LPP: variants seen among roughly 807,000 people sequenced by gnomAD.
LPP encodes lipoma-preferred partner.
A neutral mutation model predicts 60.4 loss-of-function variants in LPP; 38 were observed. That is an observed-to-expected ratio of 0.63 (90% CI 0.49 to 0.83). The LOEUF (loss-of-function observed/expected upper bound fraction) is 0.83. Ranked by LOEUF, LPP falls within the 40% of genes least tolerant of loss-of-function variation. The probability of loss-of-function intolerance (pLI) is 0.00; values close to 1 mark genes in which losing one functional copy is unlikely to be tolerated. For synonymous variants in LPP, 328 were observed against 290.8 expected (o/e 1.13, Z -1.30); for missense variants, 902 against 783.6 (o/e 1.15, Z -1.80).
intron 9 of LPP, among the ~76,000 whole-genome samples, chr3:188,838,557 C>G (rs1352303400): frequency 6.6e-6 from 1 of 152,218 alleles, no homozygotes; most frequent in African/African-American, 2.4e-5. Flanking sequence ...ATTTCATACT[C>G]TGATTTTCAT....
rs1331193601 is a variant in LPP, at chr3:188,182,288, G to A, written c.-190+28036G>A. 6.6e-6 allele frequency among the ~76,000 whole-genome samples: 1 copy of A among 152,068 alleles called. No homozygotes were observed. The highest frequency in any genetic ancestry group is 6.5e-5 in the Admixed American group (1 of 15,280). On this transcript the variant is annotated intron_variant, in intron 1 of 11. Transcript: ENST00000617246. The surrounding 1 kb of genome is among the most constrained non-coding windows in gnomAD (Gnocchi z 4.4). ...GCACTTGTTACCAGTGGAGACTCTC[G>A]GTCTCACCCCAGAATCTATGTCTTT...
At chr3:188,591,204 A>T (rs1191283239) in intron 6 of LPP, among the ~76,000 whole-genome samples, 1 of 152,192 alleles carries the variant, frequency 6.6e-6, no homozygotes, top group Admixed American at 6.5e-5. Flanking sequence ...TTTAAGACAT[A>T]TGCATGACCA....
chr3:188,338,555 T>G (rs1762268579), intron 2 of LPP, among the ~76,000 whole-genome samples: 1 of 152,182 alleles, frequency 6.6e-6, no homozygotes. Flanking sequence ...AATGTGTATT[T>G]TATGCAACTT....
At chr3:188,333,107 T>C (rs76394494) in intron 2 of LPP, among the ~76,000 whole-genome samples, 265 of 152,334 alleles carry the variant, frequency 1.7e-3, no homozygotes, top group Middle Eastern at 6.8e-3. Context: ...AATCTCATGA[T>C]AGTAGAACAT....
intron 1 of LPP, among the ~76,000 whole-genome samples, chr3:188,214,325 T>A (rs1385267054): frequency 6.6e-6 from 1 of 152,078 alleles, no homozygotes; most frequent in African/African-American, 2.4e-5. Flanking sequence ...GAGACAGGGT[T>A]TCACCACGTT....
intron 10 of LPP, among the ~76,000 whole-genome samples, chr3:188,869,460 T>C (rs1767507511): frequency 6.6e-6 from 1 of 152,184 alleles, no homozygotes; most frequent in South Asian, 2.1e-4. Flanking sequence ...CTGGCTAATT[T>C]TTATATTTTT....
At chr3:188,791,670 C>T (rs1743808008) in intron 9 of LPP, among the ~76,000 whole-genome samples, 1 of 152,116 alleles carries the variant, frequency 6.6e-6, no homozygotes, top group East Asian at 1.9e-4. Flanking sequence ...CTAGAACACT[C>T]GTCTTGGGCT....
intron 1 of LPP, among the ~76,000 whole-genome samples, chr3:188,154,522 GCGCCCAGGGGGCGGGGCCA>G (rs1350670809): frequency 6.6e-6 from 1 of 152,062 alleles, no homozygotes; most frequent in East Asian, 2.0e-4. Context: ...ACTTTTCTGG[GCGCCCAGGGGGCGGGGCCA>G]CGCCCATCCG....
At position 188,524,726 on chromosome 3, in the gene LPP, C is replaced by A. The variant is rs1560518062; in HGVS notation, c.368C>A (p.Ser123Tyr). Residue 123 changes from serine to tyrosine, a missense_variant, in exon 6 of 12, where the codon TCC becomes TAC. Transcript: ENST00000617246. ...TCCAGCCTGGACGCTGAGATTGACTCCTTGACCAGCATCTTGGCTGACCTT... is the reference window on the plus strand; with the variant it reads ...TCCAGCCTGGACGCTGAGATTGACTACTTGACCAGCATCTTGGCTGACCTT... ...RRSSLDAEID[S>Y]LTSILADLEC... The A allele has an allele frequency of 6.2e-7, 1 of 1,614,038 alleles. No homozygotes were observed. The highest frequency in any genetic ancestry group is 2.2e-5 in the East Asian group (1 of 44,892).
chr3:188,432,325 T>C (rs752204961), intron 4 of LPP, among the ~76,000 whole-genome samples: 3 of 152,156 alleles, frequency 2.0e-5, no homozygotes, highest in Non-Finnish European at 4.4e-5. Flanking sequence ...GAGCTACCGA[T>C]ATCTACTATA....
At chr3:188,409,640 A>G (rs1408623223) in intron 4 of LPP, among the ~76,000 whole-genome samples, 2 of 152,166 alleles carry the variant, frequency 1.3e-5, no homozygotes, top group Non-Finnish European at 2.9e-5. Flanking sequence ...TTTTATTTCC[A>G]GGATGCATTG....
chr3:188,577,555 A>G (rs7619709), intron 6 of LPP, among the ~76,000 whole-genome samples: 85,824 of 150,658 alleles, frequency 0.57, 24,835 homozygotes, highest in South Asian at 0.67. Flanking sequence ...ATATATTTAT[A>G]AATGTATGTA....
chr3:188,619,475 A>T (rs1845435338), intron 7 of LPP, among the ~76,000 whole-genome samples: 1 of 152,212 alleles, frequency 6.6e-6, no homozygotes, highest in Non-Finnish European at 1.5e-5. Flanking sequence ...CAGCCCAGAG[A>T]ATATGAAGCA....
At chr3:188,197,446 A>G (rs941874155) in intron 1 of LPP, among the ~76,000 whole-genome samples, 1 of 152,182 alleles carries the variant, frequency 6.6e-6, no homozygotes, top group African/African-American at 2.4e-5. Flanking sequence ...CTGGCATGGC[A>G]GGCAGGCACT....
intron 6 of LPP, among the ~76,000 whole-genome samples, chr3:188,589,257 G>A (rs532443224): frequency 6.6e-6 from 1 of 152,052 alleles, no homozygotes; most frequent in Non-Finnish European, 1.5e-5. Context: ...AAATTAAAAG[G>A]AACACAAATA....
chr3:188,424,270 T>G (rs576103829), intron 4 of LPP, among the ~76,000 whole-genome samples: 3 of 152,198 alleles, frequency 2.0e-5, no homozygotes, highest in Non-Finnish European at 4.4e-5. Context: ...GTTGTAGATG[T>G]GCAGTGTTAT....
At chr3:188,260,752 G>T (rs931563922) in intron 2 of LPP, among the ~76,000 whole-genome samples, 5 of 152,174 alleles carry the variant, frequency 3.3e-5, no homozygotes, top group African/African-American at 1.2e-4. Flanking sequence ...GTGTTTCTGG[G>T]CTGGGCGCGG....
chr3:188,454,110 A>G (rs575910564), intron 4 of LPP, among the ~76,000 whole-genome samples: 6 of 152,376 alleles, frequency 3.9e-5, no homozygotes, highest in African/African-American at 1.4e-4. Context: ...TACAGTTACT[A>G]TTCCCACTTT....
intron 4 of LPP, among the ~76,000 whole-genome samples, chr3:188,481,069 C>T (rs959837281): frequency 3.1e-4 from 47 of 152,274 alleles, no homozygotes; most frequent in African/African-American, 1.1e-3. Flanking sequence ...AACTTAGAGG[C>T]ATTTTCCTTT....
Sources: allele counts gnomAD v4.1 joint callset (sites outside exome capture counted in the v4.1 genomes callset), GRCh38; gene constraint gnomAD v4.1.1; non-coding constraint Gnocchi (gnomAD v3.1); transcripts MANE v1.5; gene names NCBI Gene and HGNC (gene_info 2026-07-23, HGNC 2026-07-21).